Variants in ANXA6 observed in about 807,000 individuals in gnomAD.
The protein encoded by ANXA6 is 67 kDa calelectrin.
A neutral mutation model predicts 95.4 loss-of-function variants in ANXA6; 71 were observed. The observed-to-expected ratio is 0.74, with a 90% CI of 0.61 to 0.91. The LOEUF is 0.91. Among genes scored for constraint, ANXA6 ranks in the 40% least tolerant of loss-of-function variants. ANXA6 has a pLI of 0.00. For synonymous variants in ANXA6, 289 were observed against 315.9 expected (o/e 0.91, Z 0.90); for missense variants, 830 against 876.4 (o/e 0.95, Z 0.67).
intron 20 of ANXA6, among the ~76,000 whole-genome samples, chr5:151,116,604 T>C (rs1170197879): frequency 6.6e-6 from 1 of 152,246 alleles, no homozygotes; most frequent in Non-Finnish European, 1.5e-5. Context: ...TATTGAGCAC[T>C]GATCATGTGT....
intron 22 of ANXA6, 81 bp downstream of exon 22, chr5:151,109,672 C>T: frequency 8.4e-7 from 1 of 1,196,962 alleles, no homozygotes; most frequent in Non-Finnish European, 1.2e-6. Flanking sequence ...ACGGGCTCCT[C>T]TTGCCACAGA....
chr5:151,149,259 C>T (rs1049068730), intron 1 of ANXA6, among the ~76,000 whole-genome samples: 6 of 149,298 alleles, frequency 4.0e-5, no homozygotes, highest in African/African-American at 7.4e-5. Flanking sequence ...ATAAGGAATG[C>T]GGGTGGAGGA....
intron 1 of ANXA6, among the ~76,000 whole-genome samples, chr5:151,149,002 C>G (rs754968010): frequency 1.6e-5 from 2 of 123,618 alleles, no homozygotes; most frequent in Admixed American, 8.8e-5. Context: ...TAGTGAGACC[C>G]GATCTCTATT....
chr5:151,129,287 G>T, intron 12 of ANXA6, 120 bp downstream of exon 12: 1 of 1,286,644 alleles, frequency 7.8e-7, no homozygotes, highest in Non-Finnish European at 1.1e-6. Flanking sequence ...AGGAGCTCCT[G>T]GAATGTCCAA....
rs1026352038 is a variant in ANXA6, at chr5:151,139,046, C to G, written c.205-255G>C. On this transcript the variant is annotated intron_variant, in intron 4 of 25. Transcript: ENST00000354546. ...CCACAGCCCTGTGCCACTTCCCCAC[C>G]ACTGTCTGTTTCCTCGTTTACTGTG... The G allele has an allele frequency of 4.0e-5, 24 of 594,852 alleles. No individual in the cohort carries two copies. The South Asian group carries it at 4.7e-4, about 12-fold the overall frequency. The allele number at this position is 594,852 out of a possible 1,614,324, so 36.8% of individuals were successfully genotyped here. A position where few individuals can be genotyped will look rare whatever the true frequency, so the allele number is the denominator to read the frequency against.
chr5:151,155,446 C>T (rs968549352), intron 1 of ANXA6: 3 of 152,164 alleles, frequency 2.0e-5, no homozygotes, highest in African/African-American at 7.2e-5. Context: ...TATAGACAGT[C>T]ACTCCCCCAT....
intron 15 of ANXA6, among the ~76,000 whole-genome samples, chr5:151,123,721 G>C (rs1269197948): frequency 6.6e-6 from 1 of 152,188 alleles, no homozygotes; most frequent in South Asian, 2.1e-4. Flanking sequence ...GGGCAGAAAG[G>C]CAAAGAAAGC....
At position 151,109,840 on chromosome 5, in the gene ANXA6, C is replaced by T. The variant is rs774231228; in HGVS notation, c.1597G>A (p.Ala533Thr). The T allele has an allele frequency of 8.7e-6, 14 of 1,602,508 alleles. No individual in the cohort carries two copies. The highest frequency in any genetic ancestry group is 2.7e-5 in the African/African-American group (2 of 74,654). Residue 533 changes from alanine (A) to threonine (T), a missense_variant, in exon 22 of 26, where the codon GCA (alanine) becomes ACA (threonine). Ala to Thr is a moderately conservative substitution (Grantham distance 58). Coordinates refer to ENST00000354546, the MANE Select transcript of ANXA6 (RefSeq NM_001155.5). The part of the protein sequence containing the change: ...AQVAAEILEI[A>T]DTPSGDKTSL... ...GTTTTGTCTCCACTAGGTGTGTCTG[C>T]TATTTCCTGCAGAGCCCCAGTTGGA...
intron 1 of ANXA6, among the ~76,000 whole-genome samples, chr5:151,150,194 G>A (rs1405083064): frequency 2.0e-5 from 3 of 151,830 alleles, no homozygotes; most frequent in Admixed American, 6.6e-5. Context: ...AGAACTAGGA[G>A]AGTAGAAATC....
Position 151,111,243 on chromosome 5 carries a change from C to T in ANXA6, c.1573-599G>A, listed in dbSNP as rs77067639. Among the ~76,000 whole-genome samples, 370 of 152,282 alleles carry T rather than the reference C, an allele frequency of 2.4e-3. 3 individuals carry two copies. The highest frequency in any genetic ancestry group is 8.4e-3 in the African/African-American group (348 of 41,546). ...CTTTTAATCACTGCACTATGCAGAG[C>T]ACAAAATTCTGTGGTTAGGACACTA... On this transcript the variant is annotated intron_variant, in intron 20 of 25. Transcript: ENST00000354546.
Position 151,144,052 on chromosome 5 carries a change from AG to A in ANXA6, c.19-3810del, listed in dbSNP as rs543139963. Among the ~76,000 whole-genome samples the A allele has an allele frequency of 1.7e-4, 26 of 152,318 alleles. No individual in the cohort carries two copies. In the South Asian group the frequency reaches 3.5e-3, roughly 21 times the overall value. ...TAAGATCATCCACTAGAAGCGGGGA[AG>A]GCAAAGAGATGAGGCTGGAGAAGAT... On this transcript the variant is annotated intron_variant, in intron 2 of 25. Coordinates refer to ENST00000354546, the MANE Select transcript of ANXA6 (RefSeq NM_001155.5).
At chr5:151,142,222 G>A (rs1561584119) in intron 2 of ANXA6, among the ~76,000 whole-genome samples, 2 of 152,242 alleles carry the variant, frequency 1.3e-5, no homozygotes, top group Non-Finnish European at 2.9e-5. Context: ...GCTCATGCCT[G>A]TAATCCCAGC....
chr5:151,134,001 G>T (rs1337569142), intron 8 of ANXA6, among the ~76,000 whole-genome samples: 2 of 152,170 alleles, frequency 1.3e-5, no homozygotes, highest in African/African-American at 2.4e-5. Context: ...AGTGCTGCTG[G>T]CATGTACTGG....
At chr5:151,153,648 T>C (rs1020495124) in intron 1 of ANXA6, among the ~76,000 whole-genome samples, 1 of 152,220 alleles carries the variant, frequency 6.6e-6, no homozygotes, top group East Asian at 1.9e-4. Flanking sequence ...CTTTGAGTGA[T>C]TTTACAGGTC....
chr5:151,145,114 C>A (rs1408343419), intron 2 of ANXA6, among the ~76,000 whole-genome samples: 1 of 152,214 alleles, frequency 6.6e-6, no homozygotes, highest in Non-Finnish European at 1.5e-5. Flanking sequence ...AGAGAAGGGA[C>A]TTTCCACCCT....
chr5:151,110,853 G>T (rs1189513303), intron 20 of ANXA6, among the ~76,000 whole-genome samples: 1 of 152,164 alleles, frequency 6.6e-6, no homozygotes, highest in Admixed American at 6.5e-5. Flanking sequence ...TTGGGCTGGA[G>T]CTCAGAATGC....
At position 151,126,452 on chromosome 5, in the gene ANXA6, C is replaced by T. The variant is rs747669071; in HGVS notation, c.1006G>A (p.Ala336Thr). ...TCCCACATCTGATAGGCCACCTGCG[C>T]TGCCTCCGGGAAGAACTGGCCAGCA... The part of the protein sequence containing the change: ...DAAGQFFPEA[A>T]QVAYQMWELS... Residue 336 changes from alanine to threonine, a missense_variant, in exon 14 of 26, where the codon GCG becomes ACG. Transcript: ENST00000354546. 6.2e-7 allele frequency: 1 copy of T among 1,610,858 alleles called. No individual in the cohort carries two copies. The highest frequency in any genetic ancestry group is 2.2e-5 in the East Asian group (1 of 44,768).
At chr5:151,147,977 CCTTT>C in intron 1 of ANXA6, 51 bp from the exon 2 acceptor site, 6 of 1,496,554 alleles carry the variant, frequency 4.0e-6, no homozygotes, top group Non-Finnish European at 5.5e-6. Flanking sequence ...CTAACCATCC[CCTTT>C]CTTTCCCTTA....
chr5:151,126,435 C>A lies in ANXA6; in HGVS notation c.1023G>T (p.Gln341His), dbSNP rs202059733. ...GGGCCACTGCACTAAGTTCCCACATCTGATAGGCCACCTGCGCTGCCTCCG... is the reference window on the plus strand; with the variant it reads ...GGGCCACTGCACTAAGTTCCCACATATGATAGGCCACCTGCGCTGCCTCCG... Reference protein sequence around the residue: ...FFPEAAQVAYQMWELSAVARV... With the variant: ...FFPEAAQVAYHMWELSAVARV... Residue 341 changes from glutamine (Q) to histidine (H), a missense_variant, in exon 14 of 26, where the codon CAG becomes CAT. Transcript: ENST00000354546. The A allele has an allele frequency of 4.4e-5, 71 of 1,611,150 alleles. 1 individual carries two copies. Among genetic ancestry groups the A allele is most frequent in the Admixed American group, 2.0e-4 (12 of 59,660 alleles).
Sources: allele counts gnomAD v4.1 joint callset (sites outside exome capture counted in the v4.1 genomes callset), GRCh38; gene constraint gnomAD v4.1.1; transcripts MANE v1.5; gene names NCBI Gene and HGNC (gene_info 2026-07-23, HGNC 2026-07-21).